HMCN1: variants seen among roughly 807,000 people sequenced by gnomAD.
The protein encoded by HMCN1 is hemicentin-1.
Under a neutral mutation model 625.9 loss-of-function variants are expected in HMCN1, and 321 were observed. The ratio of observed to expected loss-of-function variants is 0.51; its 90% CI spans 0.47 to 0.56. The LOEUF (loss-of-function observed/expected upper bound fraction) is 0.56, where lower values mean the gene tolerates loss of function less well. HMCN1 is among the 20% of genes least tolerant of loss of function. The pLI is 0.00. For missense variants in HMCN1, 6,588 were observed against 6,887.3 expected, an observed-to-expected ratio of 0.96 and a Z score of 1.54; for synonymous variants, 2,425 against 2,417.6, an observed-to-expected ratio of 1.00 and a Z score of -0.09.
intron 63 of HMCN1, among the ~76,000 whole-genome samples, chr1:186,089,471 CAAA>C (rs1277061572): frequency 6.6e-6 from 1 of 151,730 alleles, no homozygotes; most frequent in African/African-American, 2.4e-5. Flanking sequence ...AAGCTAACTC[CAAA>C]AAAATACAAT....
chr1:185,950,852 G>A (rs556395853), intron 11 of HMCN1, among the ~76,000 whole-genome samples: 16 of 151,728 alleles, frequency 1.1e-4, no homozygotes, highest in African/African-American at 3.4e-4. Flanking sequence ...TTGGCACCAT[G>A]GGGTGGATAG....
intron 22 of HMCN1, among the ~76,000 whole-genome samples, chr1:185,992,267 T>C (rs1479048639): frequency 6.6e-6 from 1 of 152,192 alleles, no homozygotes; most frequent in Non-Finnish European, 1.5e-5. Flanking sequence ...GTTTCAGTTT[T>C]TAAGGAGCAC....
intron 97 of HMCN1, among the ~76,000 whole-genome samples, chr1:186,161,277 A>C (rs2102605116): frequency 6.6e-6 from 1 of 151,796 alleles, no homozygotes; most frequent in South Asian, 2.1e-4. Flanking sequence ...TGCTTGGTAG[A>C]TCTTCCTCCA....
rs895043508 is a variant in HMCN1 at position 185,982,841 on chromosome 1, C to T, written c.2790+452C>T. Among the ~76,000 whole-genome samples the T allele has an allele frequency of 9.9e-5, 15 of 151,920 alleles. 1 individual carries two copies. The highest frequency in any genetic ancestry group is 5.9e-4 in the Admixed American group (9 of 15,254). On this transcript the variant is annotated intron_variant, in intron 18 of 106. Transcript: ENST00000271588. Reference sequence around the variant, plus strand: ...ATATGTTTTTATAAGTATATCAAAGCTTTTCTTTATTATTGACATATTTTT... The same window carrying T: ...ATATGTTTTTATAAGTATATCAAAGTTTTTCTTTATTATTGACATATTTTT...
rs150734874 is a variant in HMCN1 at position 186,153,943 on chromosome 1, T to G, written c.15212T>G (p.Ile5071Arg). 1.3e-4 allele frequency: 208 copies of G among 1,614,032 alleles called. No individual in the cohort carries two copies. The African/African-American group carries it at 1.6e-3, about 13-fold the overall frequency. Reference protein sequence around the residue: ...ASSVESDYNQIEETLGFKIHA... With the variant: ...ASSVESDYNQREETLGFKIHA... ...TCTGTGGAATCTGACTATAACCAGA[T>G]AGAAGAGACACTGGGTTTTAAAATT... The change falls in exon 97 of 107, where the codon ATA (isoleucine) becomes AGA (arginine). Residue 5071 changes from isoleucine to arginine, a missense_variant. Physicochemically the swap from Ile to Arg is moderately conservative, Grantham distance 97. This residue lies in a region of HMCN1 where 1,954 missense variants were observed against 2,013.1 expected (regional missense o/e 0.97). Transcript: ENST00000271588.
intron 4 of HMCN1, among the ~76,000 whole-genome samples, chr1:185,903,465 T>C (rs893105678): frequency 2.6e-5 from 4 of 151,754 alleles, no homozygotes; most frequent in Admixed American, 1.3e-4. Flanking sequence ...GTTTTTTTTT[T>C]AAATCCTGTA....
At chr1:186,069,503 C>T (rs1658350212) in intron 50 of HMCN1, among the ~76,000 whole-genome samples, 160 bp from the exon 51 acceptor site, 1 of 152,112 alleles carries the variant, frequency 6.6e-6, no homozygotes, top group Non-Finnish European at 1.5e-5. Context: ...CCATGCAATC[C>T]CCATCAGTAT....
intron 105 of HMCN1, among the ~76,000 whole-genome samples, chr1:186,183,003 G>A (rs1653033907): frequency 6.6e-6 from 1 of 152,076 alleles, no homozygotes; most frequent in Non-Finnish European, 1.5e-5. Context: ...TGATTATATT[G>A]CAACATGTAC....
rs113241441 is a variant in HMCN1 at position 186,087,960 on chromosome 1, G to A, written c.9392G>A (p.Arg3131Lys). ...EVSDTGQYVC[R>K]AINVAGRDDK... ...TCTGACACAGGCCAGTATGTATGTA[G>A]AGCTATAAATGTAGCAGGACGGGAT... The change falls in exon 61 of 107, where the codon AGA becomes AAA. Residue 3131 changes from arginine to lysine, a missense_variant. By Grantham distance (26) the Arg-to-Lys change is conservative. This residue lies in a region of HMCN1 where 4,628 missense variants were observed against 4,853.1 expected (regional missense o/e 0.95). Transcript: ENST00000271588. 172 of 1,613,008 alleles carry A rather than the reference G, an allele frequency of 1.1e-4. No homozygotes were observed. In the African/African-American group the frequency reaches 2.0e-3, roughly 19 times the overall value.
rs1345671919 is a variant in HMCN1 at position 185,744,903 on chromosome 1, AG to A, written c.268+9859del. Reference sequence around the variant, plus strand: ...TCTATCTCCTGGATGGATTGGAACAAGGGAGTCCTGAGAGCTGGGAGATGAA... The same window carrying A: ...TCTATCTCCTGGATGGATTGGAACAAGGAGTCCTGAGAGCTGGGAGATGAA... On this transcript the variant is annotated intron_variant, in intron 1 of 106. Transcript: ENST00000271588. 2.0e-5 allele frequency among the ~76,000 whole-genome samples: 3 copies of A among 152,196 alleles called. No individual in the cohort carries two copies. In the East Asian group the frequency reaches 5.8e-4, roughly 29 times the overall value.
intron 5 of HMCN1, among the ~76,000 whole-genome samples, chr1:185,911,369 A>G (rs1236742794): frequency 6.6e-6 from 1 of 152,196 alleles, no homozygotes; most frequent in Non-Finnish European, 1.5e-5. Flanking sequence ...CCATTATTTC[A>G]TAAGGTTTCC....
At chr1:186,128,031 A>G (rs1558244072) in intron 82 of HMCN1, 47 bp from the exon 83 acceptor site, 1 of 1,514,230 alleles carries the variant, frequency 6.6e-7, no homozygotes, top group South Asian at 1.1e-5. Context: ...TTTATGTACT[A>G]TGATGGATGA....
At position 185,990,408 on chromosome 1, in the gene HMCN1, C is replaced by T. The variant is rs1335131454; in HGVS notation, c.3342C>T (p.Ala1114=). Reference sequence around the variant, plus strand: ...TACCTCCACCCATAATTACTTGGGCCAAAGAAACCCAGCTCATCTCACCGT... The same window carrying T: ...TACCTCCACCCATAATTACTTGGGCTAAAGAAACCCAGCTCATCTCACCGT... ...KSLPPPIITW[A]KETQLISPFS... The change falls in exon 22 of 107, where the codon GCC becomes GCT. Residue 1114 remains alanine, a synonymous_variant. Transcript: ENST00000271588. The T allele has an allele frequency of 1.2e-6, 2 of 1,613,978 alleles. No homozygotes were observed. Among genetic ancestry groups the T allele is most frequent in the Admixed American group, 3.3e-5 (2 of 60,000 alleles).
At chr1:185,841,608 T>C (rs1032478245) in intron 1 of HMCN1, among the ~76,000 whole-genome samples, 3 of 152,202 alleles carry the variant, frequency 2.0e-5, no homozygotes, top group African/African-American at 7.2e-5. Context: ...GAAATCTGAA[T>C]GTGTACTGAG....
At chr1:186,156,518 G>A (rs1221480542) in intron 97 of HMCN1, among the ~76,000 whole-genome samples, 1 of 152,150 alleles carries the variant, frequency 6.6e-6, no homozygotes. Context: ...TATTACAGAG[G>A]TATGGGGAAG....
intron 101 of HMCN1, 92 bp from the exon 102 acceptor site, chr1:186,171,914 A>T (rs913167801): frequency 1.3e-5 from 15 of 1,173,748 alleles, no homozygotes; most frequent in Non-Finnish European, 1.9e-5. Flanking sequence ...TGTATATATA[A>T]ATAATATCCC....
chr1:186,152,619 T>A, intron 95 of HMCN1, 131 bp from the exon 96 acceptor site: 1 of 1,059,112 alleles, frequency 9.4e-7, no homozygotes, highest in South Asian at 1.3e-5. Flanking sequence ...GCTATTTCAG[T>A]TCTCATCATC....
chr1:185,821,020 TAA>T (rs1491485475), intron 1 of HMCN1, among the ~76,000 whole-genome samples: 1 of 151,780 alleles, frequency 6.6e-6, no homozygotes, highest in African/African-American at 2.4e-5. Flanking sequence ...TATGTACCTG[TAA>T]TATATATATA....
At chr1:185,740,708 G>T (rs1653931560) in intron 1 of HMCN1, among the ~76,000 whole-genome samples, 2 of 143,896 alleles carry the variant, frequency 1.4e-5, no homozygotes, top group African/African-American at 2.6e-5. Context: ...GGGGGATGGG[G>T]TGGCGGGGAG....
Sources: allele counts gnomAD v4.1 joint callset (sites outside exome capture counted in the v4.1 genomes callset), GRCh38; gene constraint gnomAD v4.1.1; regional missense constraint gnomAD v4.1.1; transcripts MANE v1.5; gene names NCBI Gene and HGNC (gene_info 2026-07-23, HGNC 2026-07-21).